The following ZNRF1 variants were observed in gnomAD, a reference collection of about 807,000 sequenced individuals.
ZNRF1 encodes zinc and ring finger 1, also known as E3 ubiquitin-protein ligase ZNRF1.
Under a neutral mutation model 18.4 loss-of-function variants are expected in ZNRF1, and 3 were observed. That is an observed-to-expected ratio of 0.16 (90% CI 0.07 to 0.42). The LOEUF (loss-of-function observed/expected upper bound fraction) is 0.42, where lower values mean the gene tolerates loss of function less well. Ranked by LOEUF, ZNRF1 falls within the 10% of genes least tolerant of loss-of-function variation. ZNRF1 has a pLI of 0.99. For missense variants in ZNRF1, 310 were observed against 329.8 expected, an observed-to-expected ratio of 0.94 and a Z score of 0.47; for synonymous variants, 157 against 144.2, an observed-to-expected ratio of 1.09 and a Z score of -0.64.
chr16:75,097,324 T>C (rs1363076874), intron 2 of ZNRF1, among the ~76,000 whole-genome samples: 3 of 152,016 alleles, frequency 2.0e-5, no homozygotes, highest in Non-Finnish European at 4.4e-5. Context: ...GACTGGAAGC[T>C]TAGGGGTCCT....
chr16:75,020,939 A>G (rs974740938), intron 1 of ZNRF1, among the ~76,000 whole-genome samples: 6 of 152,222 alleles, frequency 3.9e-5, no homozygotes, highest in African/African-American at 1.4e-4. Flanking sequence ...TGCATGCTTC[A>G]TTAAAATCTT....
chr16:75,048,404 G>A (rs1411255071), intron 1 of ZNRF1, among the ~76,000 whole-genome samples: 2 of 152,172 alleles, frequency 1.3e-5, no homozygotes, highest in African/African-American at 4.8e-5. Flanking sequence ...TAAATTTGGG[G>A]AGGGACACTA....
At chr16:75,019,041 CTG>C (rs1294809097) in intron 1 of ZNRF1, among the ~76,000 whole-genome samples, 2 of 152,226 alleles carry the variant, frequency 1.3e-5, no homozygotes, top group Admixed American at 6.5e-5. Context: ...TGGCGCGTGA[CTG>C]TAATCCCAGC....
chr16:75,049,872 G>GTGTGT, intron 1 of ZNRF1, among the ~76,000 whole-genome samples: 1 of 60,156 alleles, frequency 1.7e-5, no homozygotes, highest in Non-Finnish European at 3.7e-5. Flanking sequence ...TGTGTGTGTG[G>GTGTGT]TTTAGTGCAG....
At chr16:75,099,428 T>C (rs902999096) in intron 2 of ZNRF1, among the ~76,000 whole-genome samples, 1 of 151,942 alleles carries the variant, frequency 6.6e-6, no homozygotes, top group Non-Finnish European at 1.5e-5. Context: ...CTCCCTCCTG[T>C]TTCAGCTCCA....
At chr16:75,067,390 A>G (rs1296436676) in intron 1 of ZNRF1, among the ~76,000 whole-genome samples, 1 of 152,242 alleles carries the variant, frequency 6.6e-6, no homozygotes, top group Non-Finnish European at 1.5e-5. Context: ...TCACTTTGTA[A>G]GAAGGTCATG....
At chr16:75,002,034 A>G (rs570242595) in intron 1 of ZNRF1, among the ~76,000 whole-genome samples, 21 of 152,244 alleles carry the variant, frequency 1.4e-4, no homozygotes, top group South Asian at 1.0e-3. Flanking sequence ...ACTGTGTAGG[A>G]CCATCATGTC....
At chr16:75,051,123 C>G (rs1321251878) in intron 1 of ZNRF1, among the ~76,000 whole-genome samples, 1 of 151,822 alleles carries the variant, frequency 6.6e-6, no homozygotes, top group African/African-American at 2.4e-5. Context: ...CCCACTTGAG[C>G]CTGGGAGTTC....
At chr16:75,044,208 G>C (rs1458706488) in intron 1 of ZNRF1, among the ~76,000 whole-genome samples, 1 of 152,066 alleles carries the variant, frequency 6.6e-6, no homozygotes, top group Non-Finnish European at 1.5e-5. Flanking sequence ...GTGTAGGACA[G>C]ATAGAGCTCT....
intron 2 of ZNRF1, among the ~76,000 whole-genome samples, chr16:75,097,309 C>T (rs942900316): frequency 1.3e-5 from 2 of 152,078 alleles, no homozygotes; most frequent in Admixed American, 1.3e-4. Flanking sequence ...AGATGACCCG[C>T]TTTTGACTGG....
chr16:75,065,867 T>G (rs1207760469), intron 1 of ZNRF1, among the ~76,000 whole-genome samples: 2 of 152,168 alleles, frequency 1.3e-5, no homozygotes, highest in Admixed American at 6.5e-5. Context: ...CGATTAACCT[T>G]AGAGACAAGA....
At chr16:75,047,340 T>C (rs1250142496) in intron 1 of ZNRF1, among the ~76,000 whole-genome samples, 1 of 152,166 alleles carries the variant, frequency 6.6e-6, no homozygotes, top group East Asian at 1.9e-4. Context: ...GCCCAGCTAA[T>C]TCTTAAATTT....
chr16:75,103,803 G>A (rs1017926064), intron 2 of ZNRF1, among the ~76,000 whole-genome samples: 10 of 152,154 alleles, frequency 6.6e-5, no homozygotes, highest in African/African-American at 2.4e-4. Context: ...CGGCCAACAT[G>A]GTGAAACCCC....
chr16:75,015,343 A>C (rs768857624), intron 1 of ZNRF1, among the ~76,000 whole-genome samples: 9 of 152,194 alleles, frequency 5.9e-5, no homozygotes, highest in Non-Finnish European at 1.2e-4. Context: ...CATGCCTGTA[A>C]TCCCAGCACT....
At chr16:75,001,352 A>G (rs1035362644) in intron 1 of ZNRF1, among the ~76,000 whole-genome samples, 4 of 152,110 alleles carry the variant, frequency 2.6e-5, no homozygotes, top group Non-Finnish European at 5.9e-5. Context: ...AATTTGTGAA[A>G]TAGTGTTGGG....
rs912122316 is a variant in ZNRF1 at position 75,083,505 on chromosome 16, T to C, written c.425-10067T>C. ...GCTTAGAGTAGAAAATGAAGATCAC[T>C]ACTAAGAGGATCTTTATAGTTGGTA... is the stretch of plus-strand genomic sequence containing the variant. On this transcript the variant is annotated intron_variant, in intron 1 of 4. Transcript: ENST00000335325. 2.6e-4 allele frequency among the ~76,000 whole-genome samples: 39 copies of C among 152,316 alleles called. No homozygotes were observed. The East Asian group carries it at 6.7e-3, about 26-fold the overall frequency.
chr16:75,007,622 T>C (rs2034939153), intron 1 of ZNRF1, among the ~76,000 whole-genome samples: 1 of 152,174 alleles, frequency 6.6e-6, no homozygotes, highest in Non-Finnish European at 1.5e-5. Flanking sequence ...GAAGGGTTCT[T>C]AAAGGTGCTC....
rs114433368 is a variant in ZNRF1 at position 75,052,269 on chromosome 16, C to T, written c.425-41303C>T. Among the ~76,000 whole-genome samples, 1,234 of 152,030 alleles carry T rather than the reference C, an allele frequency of 8.1e-3. 26 individuals are homozygous for T. The highest frequency in any genetic ancestry group is 0.027 in the African/African-American group (1,120 of 41,478). Reference sequence around the variant, plus strand: ...CATAAAAATTACCTGGGTGTGGTGGCGTGCACCTGTAGTCTCAGCTGCTTG... The same window carrying T: ...CATAAAAATTACCTGGGTGTGGTGGTGTGCACCTGTAGTCTCAGCTGCTTG... On this transcript the variant is annotated intron_variant, in intron 1 of 4. Coordinates refer to ENST00000335325, the MANE Select transcript of ZNRF1 (RefSeq NM_032268.5).
Position 75,012,578 on chromosome 16 carries a change from C to T in ZNRF1, c.424+12483C>T, listed in dbSNP as rs76382886. ...GCGCCCAGAGGAGACGCCACCCAGT[C>T]AGCCTCCTTGTGGCATAGTGAAAAT... On this transcript the variant is annotated intron_variant, in intron 1 of 4. Transcript: ENST00000335325. Among the ~76,000 whole-genome samples, 852 of 152,348 alleles carry T rather than the reference C, an allele frequency of 5.6e-3. 6 individuals carry two copies. Among genetic ancestry groups the T allele is most frequent in the Non-Finnish European group, 9.1e-3 (619 of 68,034 alleles).
Sources: allele counts gnomAD v4.1 joint callset (sites outside exome capture counted in the v4.1 genomes callset), GRCh38; gene constraint gnomAD v4.1.1; transcripts MANE v1.5; gene names NCBI Gene and HGNC (gene_info 2026-07-23, HGNC 2026-07-21).